The following SLC19A1 variants were observed in gnomAD, a reference collection of about 807,000 sequenced individuals.
The protein encoded by SLC19A1 is reduced folate transporter.
SLC19A1 carries 37 observed loss-of-function variants against 35.3 expected under a neutral mutation model. The observed-to-expected ratio is 1.05, with a 90% CI of 0.81 to 1.38. SLC19A1 has a LOEUF of 1.38. Ranked by LOEUF, SLC19A1 falls within the 40% of genes most tolerant of loss-of-function variation. SLC19A1 has a pLI of 0.00. For synonymous variants in SLC19A1, 460 were observed against 398.5 expected, an observed-to-expected ratio of 1.15 and a Z score of -1.84; for missense variants, 831 against 826.9, an observed-to-expected ratio of 1.00 and a Z score of -0.06.
At chr21:45,505,101 T>TAA (rs1778430841) in intron 3 of SLC19A1, 3 of 1,600,950 alleles carry the variant, frequency 1.9e-6, no homozygotes. Flanking sequence ...GGGCACGAGG[T>TAA]AACCAGGAAG....
At chr21:45,558,566 GT>G (rs1365861594) in intron 1 of SLC19A1, among the ~76,000 whole-genome samples, 1 of 152,180 alleles carries the variant, frequency 6.6e-6, no homozygotes, top group African/African-American at 2.4e-5. Context: ...TGTGACTTGA[GT>G]TCAGCCCCAG....
At chr21:45,527,266 C>T (rs1006592667) in intron 4 of SLC19A1, among the ~76,000 whole-genome samples, 8 of 144,392 alleles carry the variant, frequency 5.5e-5, no homozygotes, top group South Asian at 4.4e-4. Context: ...GCGGGGCAGG[C>T]CCTGGAGGTG....
intron 3 of SLC19A1, chr21:45,506,961 CAG>C: frequency 7.5e-6 from 2 of 265,356 alleles, no homozygotes; most frequent in Non-Finnish European, 1.5e-5. Context: ...CACTGTGTGC[CAG>C]GTGTGCTTGT....
At chr21:45,523,372 C>A (rs2077495885) in intron 5 of SLC19A1, among the ~76,000 whole-genome samples, 1 of 152,200 alleles carries the variant, frequency 6.6e-6, no homozygotes, top group Non-Finnish European at 1.5e-5. Context: ...TGACAAGAGG[C>A]AGCCAGGAAC....
At chr21:45,507,974 T>A (rs895222411), downstream of SLC19A1, among the ~76,000 whole-genome samples, 4 of 152,158 alleles carry the variant, frequency 2.6e-5, no homozygotes, top group African/African-American at 9.7e-5. Context: ...GGTGGGTGAC[T>A]GGGTGGGTGA....
intron 4 of SLC19A1, 75 bp from the exon 5 acceptor site, chr21:45,526,033 G>A (rs2077604627): frequency 1.6e-5 from 25 of 1,531,076 alleles, no homozygotes; most frequent in Middle Eastern, 1.7e-4. Context: ...CCTGCAGCCC[G>A]GCTCCCACCA....
intron 3 of SLC19A1, chr21:45,504,509 CCCGGCCCCCCA>C (rs1345160374): frequency 5.0e-6 from 7 of 1,410,592 alleles, no homozygotes; most frequent in Admixed American, 4.8e-5. Flanking sequence ...GCCCGGCCCC[CCCGGCCCCCCA>C]GGCCCCCCAG....
rs562961385 is a variant in SLC19A1 at position 45,523,769 on chromosome 21, A to T, written c.1293+2048T>A. On this transcript the variant is annotated intron_variant, in intron 5 of 5. Coordinates refer to ENST00000311124, the MANE Select transcript of SLC19A1 (RefSeq NM_194255.4). ...CTGGCTGGGGCCACACAGGGCCCTG[A>T]GGGTCTCCCTGGGACGGGCACTCCC... Among the ~76,000 whole-genome samples the T allele has an allele frequency of 3.9e-5, 6 of 152,314 alleles. No homozygotes were observed. In the South Asian group the frequency reaches 1.2e-3, roughly 32 times the overall value.
chr21:45,511,909 T>C (rs1176767298), downstream of SLC19A1, among the ~76,000 whole-genome samples: 3 of 152,198 alleles, frequency 2.0e-5, no homozygotes, highest in Non-Finnish European at 2.9e-5. Context: ...TCAGCAGGCA[T>C]GAGGGCCAGG....
chr21:45,512,492 G>A, downstream of SLC19A1: 15 of 1,186,214 alleles, frequency 1.3e-5, no homozygotes, highest in Non-Finnish European at 1.7e-5. Context: ...CTGGCCCCAG[G>A]ACCTGGCTGC....
intron 5 of SLC19A1, among the ~76,000 whole-genome samples, chr21:45,525,523 G>A (rs1031918637): frequency 2.0e-5 from 3 of 152,264 alleles, no homozygotes; most frequent in Admixed American, 2.0e-4. Context: ...AGTTCCGGCA[G>A]CCACAGGCAG....
Position 45,525,870 on chromosome 21 carries a change from T to A in SLC19A1, c.1240A>T (p.Ile414Phe). The change falls in exon 5 of 6, where the codon ATC becomes TTC. Residue 414 changes from isoleucine (I) to phenylalanine (F), a missense_variant. Physicochemically the swap from Ile to Phe is conservative, Grantham distance 21. Coordinates refer to ENST00000311124, the MANE Select transcript of SLC19A1 (RefSeq NM_194255.4). ...TFFATIVKTI[I>F]TFIVSDVRGL... ...CGCACGTCCGAGACAATGAAAGTGA[T>A]GATGGTCTTGACGATGGTGGCAAAG... The A allele has an allele frequency of 6.2e-7, 1 of 1,613,584 alleles. No homozygotes were observed. The highest frequency in any genetic ancestry group is 1.1e-5 in the South Asian group (1 of 91,084).
chr21:45,515,924 G>T lies in SLC19A1; in HGVS notation c.1510C>A (p.Pro504Thr). 1 of 1,545,016 alleles carries T rather than the reference G, an allele frequency of 6.5e-7. No individual in the cohort carries two copies. The highest frequency in any genetic ancestry group is 2.4e-5 in the East Asian group (1 of 42,350). ...LQPAQSPPLS[P>T]EDSLGAVGPA... ...CCCACAGCCCCCAGGCTGTCTTCTGGGGAAAGCGGCGGGCTCTGGGCTGGC... is the reference window on the plus strand; with the variant it reads ...CCCACAGCCCCCAGGCTGTCTTCTGTGGAAAGCGGCGGGCTCTGGGCTGGC... The change falls in exon 6 of 6, where the codon CCA becomes ACA. Residue 504 changes from proline to threonine, a missense_variant. Coordinates refer to ENST00000311124, the MANE Select transcript of SLC19A1 (RefSeq NM_194255.4).
chr21:45,547,609 G>T (rs1182724410), upstream of SLC19A1, among the ~76,000 whole-genome samples: 1 of 152,006 alleles, frequency 6.6e-6, no homozygotes, highest in East Asian at 1.9e-4. Flanking sequence ...TCAACCAATT[G>T]CCAATCCCGA....
At chr21:45,529,977 G>C (rs572639951) in intron 4 of SLC19A1, among the ~76,000 whole-genome samples, 1 of 151,236 alleles carries the variant, frequency 6.6e-6, no homozygotes, top group African/African-American at 2.4e-5. Context: ...GTGTGTTCAT[G>C]TGAGTGTGGT....
At chr21:45,539,856 T>C (rs2078248482) in intron 1 of SLC19A1, among the ~76,000 whole-genome samples, 1 of 151,922 alleles carries the variant, frequency 6.6e-6, no homozygotes, top group African/African-American at 2.4e-5. Flanking sequence ...GGGGAAGGGT[T>C]AGGGGAACCT....
At chr21:45,562,990 C>T (rs2057286994) in exon 1 of SLC19A1, among the ~76,000 whole-genome samples, 1 of 152,146 alleles carries the variant, frequency 6.6e-6, no homozygotes, top group Admixed American at 6.6e-5. Flanking sequence ...TACTCAAGGC[C>T]AGGGAAAGAC....
chr21:45,537,950 A>T lies in SLC19A1; in HGVS notation c.10T>A (p.Ser4Thr). 6.4e-7 allele frequency: 1 copy of T among 1,572,094 alleles called. No individual in the cohort carries two copies. Among genetic ancestry groups the T allele is most frequent in the Non-Finnish European group, 8.6e-7 (1 of 1,163,862 alleles). ...ACCTGCTTCTCCACCGCTGGGCTGG[A>T]GGGCACCATCCTGCTCAGGCCACGT... Reference protein sequence around the residue: MVPSSPAVEKQVPV... With the variant: MVPTSPAVEKQVPV... The change falls in exon 2 of 6, where the codon TCC becomes ACC. Residue 4 changes from serine to threonine, a missense_variant. Transcript: ENST00000311124.
At chr21:45,548,418 C>T (rs2078434121), upstream of SLC19A1, among the ~76,000 whole-genome samples, 2 of 152,204 alleles carry the variant, frequency 1.3e-5, no homozygotes, top group Non-Finnish European at 2.9e-5. Context: ...ACGCTTACAA[C>T]TGAGTAATAA....
Sources: gnomAD v4.1 joint callset for allele counts (sites outside exome capture counted in the v4.1 genomes callset) on GRCh38, gnomAD v4.1.1 for gene constraint, MANE v1.5 for transcripts, NCBI Gene and HGNC (gene_info 2026-07-23, HGNC 2026-07-21) for gene names.